MED10: variants seen among roughly 807,000 people sequenced by gnomAD.
MED10 encodes mediator of RNA polymerase II transcription subunit 10.
Under a neutral mutation model 17.2 loss-of-function variants are expected in MED10, and 9 were observed. That is an observed-to-expected ratio of 0.52 (90% CI 0.31 to 0.91). The LOEUF is 0.91. Among genes scored for constraint, MED10 ranks in the 40% least tolerant of loss-of-function variants. The pLI, the probability that MED10 is intolerant of heterozygous loss-of-function variation, is 0.04. For synonymous variants in MED10, 66 were observed against 59.8 expected, an observed-to-expected ratio of 1.10 and a Z score of -0.48; for missense variants, 129 against 164.8, an observed-to-expected ratio of 0.78 and a Z score of 1.19.
chr5:6,373,570 G>A (rs1432260377), intron 3 of MED10, among the ~76,000 whole-genome samples: 1 of 152,076 alleles, frequency 6.6e-6, no homozygotes, highest in East Asian at 1.9e-4. Context: ...GAAGATGACA[G>A]GAGAAAAGAA....
chr5:6,377,548 G>C (rs774362592), intron 1 of MED10, among the ~76,000 whole-genome samples: 3 of 152,230 alleles, frequency 2.0e-5, no homozygotes, highest in Non-Finnish European at 4.4e-5. Context: ...TTACCTGACT[G>C]TGCATATGAC....
chr5:6,377,317 G>A (rs1327995333), intron 1 of MED10, 68 bp from the exon 2 acceptor site: 2 of 1,185,098 alleles, frequency 1.7e-6, no homozygotes, highest in Non-Finnish European at 2.5e-6. Context: ...CACCCACAGA[G>A]CTACCCAGCC....
At position 6,372,346 on chromosome 5, in the gene MED10, C is replaced by G. The variant is rs562174381; in HGVS notation, c.*157G>C. 100 of 622,306 alleles carry G rather than the reference C, an allele frequency of 1.6e-4. No individual in the cohort carries two copies. Among genetic ancestry groups the G allele is most frequent in the African/African-American group, 1.5e-3 (83 of 54,244 alleles). 38.5% of individuals were successfully genotyped at this position (622,306 alleles called of 1,614,324 possible). The stretch of plus-strand genomic sequence containing the variant: ...CACAGCTCCGCCTCTCCTCCAGCCC[C>G]TCGGTCCCATGAGGCCAAACAATGA... On this transcript the variant is annotated 3_prime_UTR_variant, in exon 4 of 4. Transcript: ENST00000255764.
chr5:6,376,037 T>C (rs1194331436), intron 2 of MED10, among the ~76,000 whole-genome samples: 5 of 152,202 alleles, frequency 3.3e-5, no homozygotes, highest in Admixed American at 2.0e-4. Context: ...TGCTCTGTAT[T>C]CCTGGACTGA....
At chr5:6,377,626 A>T (rs1026029771) in intron 1 of MED10, among the ~76,000 whole-genome samples, 34 of 152,332 alleles carry the variant, frequency 2.2e-4, no homozygotes, top group African/African-American at 7.7e-4. Context: ...AAAGAAAGCC[A>T]TACTGTCTGG....
chr5:6,378,255 C>G (rs1738041658), intron 1 of MED10, 107 bp downstream of exon 1: 2 of 1,397,724 alleles, frequency 1.4e-6, no homozygotes, highest in Non-Finnish European at 1.9e-6. Context: ...TGGCGGGGCA[C>G]GAGTAGCGGT....
Position 6,377,116 on chromosome 5 carries a change from A to AT in MED10, c.206+49dup, listed in dbSNP as rs1321350319. On this transcript the variant is annotated intron_variant, in intron 2 of 3. Transcript: ENST00000255764. ...GATGAAGAAGTCACGATACCACACC[A>AT]TAACTGAACAAGATTTATACCCAAG... The AT allele has an allele frequency of 4.5e-6, 6 of 1,327,302 alleles. 1 individual carries two copies. The South Asian group carries it at 7.9e-5, about 18-fold the overall frequency. 82.2% of individuals were successfully genotyped at this position (1,327,302 alleles called of 1,614,324 possible).
chr5:6,376,611 G>A (rs897700065), intron 2 of MED10, among the ~76,000 whole-genome samples: 6 of 152,164 alleles, frequency 3.9e-5, no homozygotes, highest in Admixed American at 6.5e-5. Context: ...CACAACTCTC[G>A]CACAGAAAAC....
chr5:6,378,020 T>C (rs1005955423), intron 1 of MED10, among the ~76,000 whole-genome samples: 1 of 152,192 alleles, frequency 6.6e-6, no homozygotes, highest in Admixed American at 6.5e-5. Flanking sequence ...CCAGAAGGGC[T>C]CCAGGAGGAA....
chr5:6,378,334 AC>A, intron 1 of MED10, 27 bp downstream of exon 1: 1 of 1,569,768 alleles, frequency 6.4e-7, no homozygotes, highest in Non-Finnish European at 8.6e-7. Flanking sequence ...CCCTGGGGAG[AC>A]CCCGGCAGCC....
At position 6,372,480 on chromosome 5, in the gene MED10, T is replaced by C; in HGVS notation, c.*23A>G. 1.9e-6 allele frequency: 3 copies of C among 1,603,682 alleles called. No homozygotes were observed. The highest frequency in any genetic ancestry group is 2.6e-6 in the Non-Finnish European group (3 of 1,170,530). On this transcript the variant is annotated 3_prime_UTR_variant, in exon 4 of 4. Coordinates refer to ENST00000255764, the MANE Select transcript of MED10 (RefSeq NM_032286.3). ...CGCCGCATCGCAGTCCCAGGGGATC[T>C]TCACACAGGGAGGGTGAGCTGGTTA...
intron 2 of MED10, 95 bp downstream of exon 2, chr5:6,377,071 G>T: frequency 1.4e-6 from 1 of 739,324 alleles, no homozygotes; most frequent in Non-Finnish European, 2.2e-6. Context: ...CTACCACACA[G>T]CAGGCACTCG....
chr5:6,377,490 G>C (rs1738020422), intron 1 of MED10, among the ~76,000 whole-genome samples: 1 of 152,216 alleles, frequency 6.6e-6, no homozygotes, highest in African/African-American at 2.4e-5. Context: ...CAGTAAGGGG[G>C]ATGGAGAGGG....
At position 6,378,424 on chromosome 5, in the gene MED10, C is replaced by A. The variant is rs749046629; in HGVS notation, c.60G>T (p.Arg20=). The change falls in exon 1 of 4, where the codon CGG becomes CGT. Residue 20 remains arginine, a synonymous_variant. Transcript: ENST00000255764. ...AGTCACTGACGATGATGCCGAGCTGCCGAATGTTCTCCACGAACTTCTCCA... is the reference window on the plus strand; with the variant it reads ...AGTCACTGACGATGATGCCGAGCTGACGAATGTTCTCCACGAACTTCTCCA... ...EHLEKFVENI[R]QLGIIVSDFQ... is the part of the protein sequence containing the mutation. 4 of 1,613,644 alleles carry A rather than the reference C, an allele frequency of 2.5e-6. No individual in the cohort carries two copies. The highest frequency in any genetic ancestry group is 3.4e-6 in the Non-Finnish European group (4 of 1,179,914).
chr5:6,376,931 T>C (rs910083127), intron 2 of MED10: 3 of 353,906 alleles, frequency 8.5e-6, no homozygotes, highest in Middle Eastern at 5.6e-4. Context: ...TTTTCCACAA[T>C]AGAATATTAA....
At chr5:6,378,316 C>T in intron 1 of MED10, 46 bp downstream of exon 1, 4 of 1,527,208 alleles carry the variant, frequency 2.6e-6, no homozygotes, top group South Asian at 1.2e-5. Context: ...ACACGCTTCC[C>T]GGCCAGGCCC....
At chr5:6,377,097 G>A in intron 2 of MED10, 69 bp downstream of exon 2, 1 of 1,025,100 alleles carries the variant, frequency 9.8e-7, no homozygotes, top group Non-Finnish European at 1.4e-6. Flanking sequence ...CAGTGATGAA[G>A]AAGTCACGAT....
At chr5:6,372,958 T>A (rs73040194) in intron 3 of MED10, among the ~76,000 whole-genome samples, 1 of 152,162 alleles carries the variant, frequency 6.6e-6, no homozygotes, top group Non-Finnish European at 1.5e-5. Flanking sequence ...CTCAGCTTTA[T>A]CAAGCGAAAC....
Position 6,377,998 on chromosome 5 carries a change from G to A in MED10, c.122+364C>T, listed in dbSNP as rs553791381. Reference sequence around the variant, plus strand: ...GGAGCCTGCCTCCCCTCTGGAGACAGGGACTGAATTCCCAGAAGGGCTCCA... The same window carrying A: ...GGAGCCTGCCTCCCCTCTGGAGACAAGGACTGAATTCCCAGAAGGGCTCCA... On this transcript the variant is annotated intron_variant, in intron 1 of 3. Transcript: ENST00000255764. Among the ~76,000 whole-genome samples the A allele has an allele frequency of 2.6e-5, 4 of 152,342 alleles. No individual in the cohort carries two copies. In the South Asian group the frequency reaches 6.2e-4, roughly 24 times the overall value.
Sources: allele counts gnomAD v4.1 joint callset (sites outside exome capture counted in the v4.1 genomes callset), GRCh38; gene constraint gnomAD v4.1.1; transcripts MANE v1.5; gene names NCBI Gene and HGNC (gene_info 2026-07-23, HGNC 2026-07-21).